The following PTPRD variants were observed in gnomAD, a reference collection of about 807,000 sequenced individuals.
The protein encoded by PTPRD is protein tyrosine phosphatase receptor type D, also known as receptor-type tyrosine-protein phosphatase delta.
A neutral mutation model predicts 214.5 loss-of-function variants in PTPRD; 34 were observed. The ratio of observed to expected loss-of-function variants is 0.16; its 90% CI spans 0.12 to 0.21. PTPRD has a LOEUF of 0.21. Ranked by LOEUF, PTPRD falls within the 10% of genes least tolerant of loss-of-function variation. The probability of loss-of-function intolerance (pLI) is 1.00; values close to 1 mark genes in which losing one functional copy is unlikely to be tolerated. For synonymous variants in PTPRD, 1,128 were observed against 845.7 expected (o/e 1.33, Z -5.79); for missense variants, 2,545 against 2,398.7 (o/e 1.06, Z -1.27).
rs72708112 is a variant in PTPRD, at chr9:8,948,815, G to A, written c.-104+69882C>T. Among the ~76,000 whole-genome samples the A allele has an allele frequency of 9.0e-3, 1,360 of 151,210 alleles. 10 individuals carry two copies. The highest frequency in any genetic ancestry group is 0.015 in the Non-Finnish European group (989 of 67,910). On this transcript the variant is annotated intron_variant, in intron 11 of 45. Coordinates refer to ENST00000381196, the MANE Select transcript of PTPRD (RefSeq NM_002839.4). ...AAAGGATGGATGAAGCCATAATTCT[G>A]GAATATTTGGAAGGTAACAGATGAT... is the stretch of plus-strand genomic sequence containing the variant.
At chr9:10,167,001 TAAAAC>T (rs1341678718) in intron 3 of PTPRD, among the ~76,000 whole-genome samples, 1 of 152,132 alleles carries the variant, frequency 6.6e-6, no homozygotes. Context: ...AATTGATGGT[TAAAAC>T]AAAGTATTCA....
At chr9:8,850,256 G>T (rs913993284) in intron 11 of PTPRD, among the ~76,000 whole-genome samples, 1 of 152,096 alleles carries the variant, frequency 6.6e-6, no homozygotes, top group African/African-American at 2.4e-5. Context: ...TTATTTTGAA[G>T]GTTATCTATG....
At chr9:8,969,651 G>C (rs60028206) in intron 11 of PTPRD, among the ~76,000 whole-genome samples, 11,576 of 151,840 alleles carry the variant, frequency 0.076, 754 homozygotes, top group East Asian at 0.26. Context: ...GGCTATTAGG[G>C]GAGAGAAATG....
intron 3 of PTPRD, among the ~76,000 whole-genome samples, chr9:10,240,332 G>C (rs544628610): frequency 1.6e-4 from 24 of 151,816 alleles, no homozygotes; most frequent in Non-Finnish European, 3.5e-4. Context: ...TTGATAAAGG[G>C]GTTTCAGCCA....
At chr9:10,359,184 T>C (rs117160698) in intron 2 of PTPRD, among the ~76,000 whole-genome samples, 206 of 152,172 alleles carry the variant, frequency 1.4e-3, no homozygotes, top group Non-Finnish European at 2.6e-3. Flanking sequence ...TGTTCAGCCA[T>C]CCTTTCTACA....
intron 14 of PTPRD, among the ~76,000 whole-genome samples, chr9:8,601,502 C>G (rs56025100): frequency 0.11 from 16,473 of 152,180 alleles, 919 homozygotes; most frequent in East Asian, 0.17. Flanking sequence ...AGGGTTTTTT[C>G]TATGACCTCA....
chr9:10,312,342 T>A (rs942018366), intron 3 of PTPRD, among the ~76,000 whole-genome samples: 1 of 151,982 alleles, frequency 6.6e-6, no homozygotes, highest in Non-Finnish European at 1.5e-5. Context: ...TTGATTTTGT[T>A]TTTGATAAAG....
At chr9:9,341,916 C>T (rs2046957642) in intron 9 of PTPRD, among the ~76,000 whole-genome samples, 3 of 152,124 alleles carry the variant, frequency 2.0e-5, no homozygotes, top group Admixed American at 2.0e-4. Context: ...TCAAGTGATT[C>T]TCCTGCCTCA....
At chr9:9,970,440 A>G (rs1330483869) in intron 4 of PTPRD, among the ~76,000 whole-genome samples, 1 of 112,948 alleles carries the variant, frequency 8.9e-6, no homozygotes, top group Non-Finnish European at 2.0e-5. Flanking sequence ...AAAAAAAAAA[A>G]AAAGAAAAAG....
chr9:9,237,327 G>A (rs545178459), intron 9 of PTPRD, among the ~76,000 whole-genome samples: 1 of 152,224 alleles, frequency 6.6e-6, no homozygotes, highest in East Asian at 1.9e-4. Flanking sequence ...TACTTTGGGA[G>A]GCCAAGGCAG....
chr9:8,418,382 G>A (rs534920752), intron 35 of PTPRD, among the ~76,000 whole-genome samples: 4 of 152,088 alleles, frequency 2.6e-5, no homozygotes, highest in East Asian at 3.9e-4. Context: ...AACTAGCTAC[G>A]TTTAGCCTTG....
intron 2 of PTPRD, among the ~76,000 whole-genome samples, chr9:10,367,069 C>CA (rs2097530242): frequency 7.4e-6 from 1 of 134,972 alleles, no homozygotes. Flanking sequence ...AAAAAAGAAA[C>CA]AGACAAACAT....
intron 12 of PTPRD, among the ~76,000 whole-genome samples, chr9:8,662,867 T>G (rs1201111574): frequency 1.3e-5 from 2 of 152,180 alleles, no homozygotes; most frequent in Non-Finnish European, 2.9e-5. Flanking sequence ...TTATGATGAT[T>G]ATCTTAAAGG....
intron 8 of PTPRD, among the ~76,000 whole-genome samples, chr9:9,512,591 C>A (rs995429084): frequency 2.6e-5 from 4 of 151,858 alleles, no homozygotes; most frequent in African/African-American, 9.7e-5. Flanking sequence ...TCGTGAGCCT[C>A]TTTTTGGAAA....
intron 14 of PTPRD, among the ~76,000 whole-genome samples, chr9:8,555,334 G>T (rs1319301442): frequency 6.6e-6 from 1 of 152,156 alleles, no homozygotes; most frequent in East Asian, 1.9e-4. Flanking sequence ...GCGAGCACAG[G>T]AGGACAAAGC....
Position 9,387,025 on chromosome 9 carries a change from G to T in PTPRD, c.-203+10424C>A, listed in dbSNP as rs759493477. Among the ~76,000 whole-genome samples the T allele has an allele frequency of 3.5e-4, 53 of 152,180 alleles. 1 individual carries two copies. The highest frequency in any genetic ancestry group is 7.1e-4 in the Non-Finnish European group (48 of 68,028). The stretch of plus-strand genomic sequence containing the variant: ...ACATAACTTATTTAACGCTCAGAGG[G>T]ACTTTGATGTGAGTGCAGGTGCTAA... On this transcript the variant is annotated intron_variant, in intron 9 of 45. Coordinates refer to ENST00000381196, the MANE Select transcript of PTPRD (RefSeq NM_002839.4).
chr9:10,183,906 T>G (rs1489061112), intron 3 of PTPRD, among the ~76,000 whole-genome samples: 2 of 152,238 alleles, frequency 1.3e-5, no homozygotes, highest in African/African-American at 4.8e-5. Context: ...TCTGATTGAA[T>G]GCTCATAAGG....
At chr9:10,060,864 CCTT>C (rs1567405783) in intron 3 of PTPRD, among the ~76,000 whole-genome samples, 9 of 101,212 alleles carry the variant, frequency 8.9e-5, no homozygotes, top group African/African-American at 8.8e-4. Context: ...TTTCTTCCTT[CCTT>C]CTTTCCTTCC....
chr9:9,612,302 T>C (rs1475502569), intron 7 of PTPRD, among the ~76,000 whole-genome samples: 1 of 152,164 alleles, frequency 6.6e-6, no homozygotes, highest in Non-Finnish European at 1.5e-5. Context: ...GTACAGCTTG[T>C]GAGTATGCTT....
Sources: allele counts gnomAD v4.1 joint callset (sites outside exome capture counted in the v4.1 genomes callset), GRCh38; gene constraint gnomAD v4.1.1; transcripts MANE v1.5; gene names NCBI Gene and HGNC (gene_info 2026-07-23, HGNC 2026-07-21).